Variants in PWWP3B observed in about 807,000 individuals in gnomAD.
PWWP3B encodes PWWP domain containing 3B.
A neutral mutation model predicts 15.7 loss-of-function variants in PWWP3B; 5 were observed. The ratio of observed to expected loss-of-function variants is 0.32; its 90% CI spans 0.17 to 0.67. PWWP3B has a LOEUF of 0.67. Ranked by LOEUF, PWWP3B falls within the 30% of genes least tolerant of loss-of-function variation. The pLI, the probability that PWWP3B is intolerant of heterozygous loss-of-function variation, is 0.74. For synonymous variants in PWWP3B, 203 were observed against 179.8 expected (o/e 1.13, Z -1.03); for missense variants, 519 against 493.1 (o/e 1.05, Z -0.50).
intron 3 of PWWP3B, 71 bp from the exon 4 acceptor site, chrX:106,205,148 G>T: frequency 4.3e-6 from 1 of 230,341 alleles, no homozygotes. Context: ...ATTTGTAATT[G>T]CTCACCTCCC....
intron 2 of PWWP3B, among the ~76,000 whole-genome samples, chrX:106,174,741 C>T (rs1921794567): frequency 8.9e-6 from 1 of 111,948 alleles, no homozygotes; most frequent in Non-Finnish European, 1.9e-5. Flanking sequence ...CATGCAGATA[C>T]GGTCAGTGCA....
At position 106,206,309 on chromosome X, in the gene PWWP3B, A is replaced by G. The variant is rs1321304078; in HGVS notation, c.877A>G (p.Thr293Ala). ...GEGPSNPCLD[T>A]SQNQPSMESE... ...GGGTCCCTCAAATCCATGCTTAGAT[A>G]CCAGCCAGAATCAACCTTCCATGGA... The change falls in exon 4 of 4, where the codon ACC (threonine) becomes GCC (alanine). Residue 293 changes from threonine (T) to alanine (A), a missense_variant. By Grantham distance (58) the Thr-to-Ala change is moderately conservative. Transcript: ENST00000357175. 2.5e-6 allele frequency: 3 copies of G among 1,204,669 alleles called. No homozygotes were observed. Among genetic ancestry groups the G allele is most frequent in the Admixed American group, 4.4e-5 (2 of 45,258 alleles).
At chrX:106,192,227 T>C (rs892634533) in intron 2 of PWWP3B, among the ~76,000 whole-genome samples, 2 of 111,864 alleles carry the variant, frequency 1.8e-5, no homozygotes, top group Non-Finnish European at 3.8e-5. Flanking sequence ...GCTCCTGTTA[T>C]TGGTCTATTC....
At chrX:106,177,816 T>C (rs968169974) in intron 2 of PWWP3B, among the ~76,000 whole-genome samples, 7 of 112,025 alleles carry the variant, frequency 6.2e-5, no homozygotes, top group African/African-American at 1.3e-4. Flanking sequence ...GTAACACTTG[T>C]AAAGATGTAT....
At chrX:106,190,782 C>A (rs1476111874) in intron 2 of PWWP3B, among the ~76,000 whole-genome samples, 9 of 111,790 alleles carry the variant, frequency 8.1e-5, no homozygotes, top group African/African-American at 2.9e-4. Context: ...GTTTTCCCAG[C>A]ACTGTTTATT....
In PWWP3B at chrX:106,207,750, C is replaced by A; in HGVS notation, c.*227C>A. On this transcript the variant is annotated 3_prime_UTR_variant, in exon 4 of 4. Transcript: ENST00000357175. ...AACATATTTCAGCAGTTCTACTTTC[C>A]CGTACATTTTTTAGAAAGCATAATT... The A allele has an allele frequency of 3.1e-6, 1 of 322,460 alleles. No individual in the cohort carries two copies. Among genetic ancestry groups the A allele is most frequent in the Non-Finnish European group, 5.5e-6 (1 of 181,114 alleles). 26.6% of individuals were successfully genotyped at this position (322,460 alleles called of 1,213,427 possible).
intron 2 of PWWP3B, among the ~76,000 whole-genome samples, chrX:106,200,862 C>T (rs1448818823): frequency 9.1e-6 from 1 of 109,824 alleles, no homozygotes; most frequent in African/African-American, 3.3e-5. Flanking sequence ...TCCTGGCTAA[C>T]ACGGTGAAAC....
intron 2 of PWWP3B, among the ~76,000 whole-genome samples, chrX:106,186,630 G>A (rs973963247): frequency 2.2e-4 from 24 of 110,737 alleles, no homozygotes; most frequent in African/African-American, 7.9e-4. Flanking sequence ...ATGAAGCCAC[G>A]GGCCTTCATG....
intron 2 of PWWP3B, among the ~76,000 whole-genome samples, chrX:106,200,928 G>T (rs1304039386): frequency 9.1e-5 from 10 of 109,420 alleles, no homozygotes; most frequent in Admixed American, 9.8e-5. Context: ...GGCGCCTGTA[G>T]TCCCAGCTAC....
chrX:106,187,642 G>A lies in PWWP3B; in HGVS notation c.-400-16343G>A, dbSNP rs1922598737. 5.4e-5 allele frequency among the ~76,000 whole-genome samples: 6 copies of A among 112,140 alleles called. No homozygotes were observed. The South Asian group carries it at 2.2e-3, about 42-fold the overall frequency. On this transcript the variant is annotated intron_variant, in intron 2 of 3. Coordinates refer to ENST00000357175, the MANE Select transcript of PWWP3B (RefSeq NM_001171020.2). ...GATGTTCTTCCTCTTCAGGTGGGCT[G>A]ATATTCAGTCAGTTGACATTAATAG...
intron 2 of PWWP3B, among the ~76,000 whole-genome samples, chrX:106,193,230 G>A (rs1315642354): frequency 9.0e-6 from 1 of 111,193 alleles, no homozygotes; most frequent in Non-Finnish European, 1.9e-5. Context: ...CTCCTGTATT[G>A]GGTGCATATA....
Position 106,191,959 on chromosome X carries a change from A to G in PWWP3B, c.-400-12026A>G, listed in dbSNP as rs190158805. Among the ~76,000 whole-genome samples, 5 of 111,014 alleles carry G rather than the reference A, an allele frequency of 4.5e-5. 1 individual carries two copies. In the Admixed American group the frequency reaches 4.8e-4, roughly 11 times the overall value. ...CCGATTTGCCAGTATTTTTTTGAGGATTTTTGCATCAATGTTCATCAAGGA... is the reference window on the plus strand; with the variant it reads ...CCGATTTGCCAGTATTTTTTTGAGGGTTTTTGCATCAATGTTCATCAAGGA... On this transcript the variant is annotated intron_variant, in intron 2 of 3. Coordinates refer to ENST00000357175, the MANE Select transcript of PWWP3B (RefSeq NM_001171020.2).
At chrX:106,190,379 T>A (rs1298864623) in intron 2 of PWWP3B, among the ~76,000 whole-genome samples, 2 of 112,069 alleles carry the variant, frequency 1.8e-5, no homozygotes, top group African/African-American at 6.5e-5. Context: ...TCGCCGACTT[T>A]TTGATGGGGT....
intron 2 of PWWP3B, among the ~76,000 whole-genome samples, chrX:106,197,793 G>T (rs1923467329): frequency 8.9e-6 from 1 of 112,009 alleles, no homozygotes; most frequent in Non-Finnish European, 1.9e-5. Flanking sequence ...ATTACCCTTT[G>T]GAATTCACTT....
At chrX:106,201,639 G>T (rs1161164563) in intron 2 of PWWP3B, 1 of 111,728 alleles carries the variant, frequency 9.0e-6, no homozygotes, top group Non-Finnish European at 1.9e-5. Context: ...CCTGATCCAG[G>T]CAGGGGCTTT....
At chrX:106,193,137 G>A (rs1456825609) in intron 2 of PWWP3B, among the ~76,000 whole-genome samples, 2 of 110,990 alleles carry the variant, frequency 1.8e-5, no homozygotes, top group African/African-American at 6.6e-5. Context: ...TTGAGAGTGG[G>A]GTGTTAAAGT....
chrX:106,192,683 C>G (rs1923074372), intron 2 of PWWP3B, among the ~76,000 whole-genome samples: 1 of 111,022 alleles, frequency 9.0e-6, no homozygotes, highest in Non-Finnish European at 1.9e-5. Flanking sequence ...GCATTTAGTG[C>G]TATAAATTTC....
intron 2 of PWWP3B, among the ~76,000 whole-genome samples, chrX:106,188,735 T>C (rs1442554217): frequency 8.9e-6 from 1 of 112,673 alleles, no homozygotes; most frequent in Non-Finnish European, 1.9e-5. Context: ...TTTTTCATTT[T>C]CCAGAATGTC....
intron 2 of PWWP3B, among the ~76,000 whole-genome samples, chrX:106,186,752 G>A (rs749964047): frequency 9.9e-5 from 11 of 111,153 alleles, no homozygotes; most frequent in African/African-American, 1.6e-4. Context: ...GGACCCAAGC[G>A]GGTTGCTGCT....
Sources: gnomAD v4.1 joint callset for allele counts (sites outside exome capture counted in the v4.1 genomes callset) on GRCh38, gnomAD v4.1.1 for gene constraint, MANE v1.5 for transcripts, NCBI Gene and HGNC (gene_info 2026-07-23, HGNC 2026-07-21) for gene names.